The following PMFBP1 variants were observed in gnomAD, a reference collection of about 807,000 sequenced individuals.
The protein encoded by PMFBP1 is polyamine modulated factor 1 binding protein 1.
In PMFBP1, 131 loss-of-function variants were observed where a neutral mutation model predicts 137.8. The ratio of observed to expected loss-of-function variants is 0.95; its 90% CI spans 0.82 to 1.10. The LOEUF is 1.10. Ranked by LOEUF, PMFBP1 falls within the 50% of genes least tolerant of loss-of-function variation. The probability of loss-of-function intolerance (pLI) is 0.00; values close to 1 mark genes in which losing one functional copy is unlikely to be tolerated. For synonymous variants in PMFBP1, 490 were observed against 450.4 expected, an observed-to-expected ratio of 1.09 and a Z score of -1.11; for missense variants, 1,199 against 1,175.4, an observed-to-expected ratio of 1.02 and a Z score of -0.29.
At chr16:72,172,028 T>G (rs1236196466) in intron 1 of PMFBP1, 26 bp downstream of exon 1, 1 of 152,180 alleles carries the variant, frequency 6.6e-6, no homozygotes, top group African/African-American at 2.4e-5. Context: ...ACCCTAAGAA[T>G]AGAGGAATTT....
chr16:72,246,763 G>A, the PMFBP1 span, among the ~76,000 whole-genome samples: 1 of 152,046 alleles, frequency 6.6e-6, no homozygotes, highest in East Asian at 1.9e-4. Flanking sequence ...TGAGGGCAGA[G>A]ACTATATTTA....
intron 2 of PMFBP1, among the ~76,000 whole-genome samples, chr16:72,166,766 C>T (rs1384575538): frequency 1.3e-5 from 2 of 152,226 alleles, no homozygotes; most frequent in Non-Finnish European, 2.9e-5. Context: ...CAGCATCAGT[C>T]AGTCAATGGC....
At chr16:72,204,057 G>A in the PMFBP1 span, among the ~76,000 whole-genome samples, 1 of 152,126 alleles carries the variant, frequency 6.6e-6, no homozygotes, top group Non-Finnish European at 1.5e-5. Context: ...CCACGTCTAC[G>A]TTTCTCCTTT....
At chr16:72,116,687 G>C (rs955072679), downstream of PMFBP1, among the ~76,000 whole-genome samples, 1 of 124,318 alleles carries the variant, frequency 8.0e-6, no homozygotes. Context: ...TAAGGGCACA[G>C]CTTTATTCTT....
At chr16:72,249,214 A>T in the PMFBP1 span, among the ~76,000 whole-genome samples, 1 of 152,292 alleles carries the variant, frequency 6.6e-6, no homozygotes, top group African/African-American at 2.4e-5. Flanking sequence ...AGTGTCTTCC[A>T]GCTGAGCTTT....
chr16:72,249,188 T>C, the PMFBP1 span, among the ~76,000 whole-genome samples: 3 of 152,196 alleles, frequency 2.0e-5, no homozygotes, highest in Non-Finnish European at 2.9e-5. Flanking sequence ...GGCTTGAAAG[T>C]AGGTGCCTCC....
At chr16:72,123,057 T>A in intron 18 of PMFBP1, 69 bp from the exon 19 acceptor site, 1 of 1,384,042 alleles carries the variant, frequency 7.2e-7, no homozygotes, top group South Asian at 1.2e-5. Context: ...TGCAGCTGGC[T>A]GAATGGGATG....
chr16:72,127,751 A>T (rs543804222), intron 14 of PMFBP1, among the ~76,000 whole-genome samples: 67 of 152,370 alleles, frequency 4.4e-4, no homozygotes, highest in African/African-American at 1.6e-3. Flanking sequence ...TGAAGTCATC[A>T]TTGATTCCTC....
chr16:72,127,306 T>G (rs1217678069), intron 14 of PMFBP1, among the ~76,000 whole-genome samples: 1 of 152,248 alleles, frequency 6.6e-6, no homozygotes, highest in Non-Finnish European at 1.5e-5. Flanking sequence ...ATATTTTACA[T>G]GCCCTGGTGG....
chr16:72,227,081 T>G, the PMFBP1 span, among the ~76,000 whole-genome samples: 1 of 152,134 alleles, frequency 6.6e-6, no homozygotes, highest in African/African-American at 2.4e-5. Flanking sequence ...TCTGCCTGAT[T>G]TCATTTGTAG....
Position 72,119,967 on chromosome 16 carries a change from C to T in PMFBP1, c.2891G>A (p.Arg964Lys). 2 of 1,614,208 alleles carry T rather than the reference C, an allele frequency of 1.2e-6. No individual in the cohort carries two copies. The highest frequency in any genetic ancestry group is 1.7e-6 in the Non-Finnish European group (2 of 1,180,042). ...RLCTKALGPS[R>K]TESTQREKVC... ...TTTCTCCCTCTGTGTGGACTCCGTT[C>T]TGCTCGGGCCTAGGGCTTTGGTGCA... The change falls in exon 20 of 21, where the codon AGA becomes AAA. Residue 964 changes from arginine (R) to lysine (K), a missense_variant. By Grantham distance (26) the Arg-to-Lys change is conservative. Transcript: ENST00000237353.
chr16:72,186,296 A>C, the PMFBP1 span, among the ~76,000 whole-genome samples: 1 of 152,340 alleles, frequency 6.6e-6, no homozygotes, highest in African/African-American at 2.4e-5. Flanking sequence ...GTATGTTCCA[A>C]ATGGCTTCTG....
At chr16:72,192,239 G>GGA in the PMFBP1 span, among the ~76,000 whole-genome samples, 2 of 152,106 alleles carry the variant, frequency 1.3e-5, no homozygotes, top group Admixed American at 6.6e-5. Flanking sequence ...ACGTTTGAGA[G>GGA]GAGAGAGAGA....
Position 72,130,570 on chromosome 16 carries a change from C to T in PMFBP1, c.1600G>A (p.Glu534Lys). ...TGTTCCTTCTCAGCCATCGAGGACT[C>T]CTTCTGCAGCATCTGAAGTTCTCTC... ...LQRELQMLQK[E>K]SSMAEKEQTS... Residue 534 changes from glutamate to lysine, a missense_variant, in exon 11 of 21, where the codon GAG becomes AAG. Transcript: ENST00000237353. 2 of 1,614,096 alleles carry T rather than the reference C, an allele frequency of 1.2e-6. No individual in the cohort carries two copies. Among genetic ancestry groups the T allele is most frequent in the African/African-American group, 1.3e-5 (1 of 75,034 alleles).
intron 3 of PMFBP1, among the ~76,000 whole-genome samples, chr16:72,158,243 G>C (rs2043011283): frequency 6.6e-6 from 1 of 152,174 alleles, no homozygotes; most frequent in Non-Finnish European, 1.5e-5. Context: ...AGAAATCCTA[G>C]GCAAAGACAC....
intron 5 of PMFBP1, among the ~76,000 whole-genome samples, chr16:72,147,401 G>T (rs2042825423): frequency 6.6e-6 from 1 of 152,136 alleles, no homozygotes; most frequent in Non-Finnish European, 1.5e-5. Flanking sequence ...TTAAATGTAA[G>T]ACCTAAAACC....
chr16:72,204,282 G>C, the PMFBP1 span, among the ~76,000 whole-genome samples: 2 of 151,836 alleles, frequency 1.3e-5, no homozygotes. Context: ...CAACATCGTG[G>C]GCTCAAGTGA....
rs767106320 is a variant in PMFBP1, at chr16:72,128,728, A to T, written c.2017T>A (p.Ser673Thr). The T allele has an allele frequency of 6.2e-7, 1 of 1,614,116 alleles. No individual in the cohort carries two copies. The highest frequency in any genetic ancestry group is 8.5e-7 in the Non-Finnish European group (1 of 1,180,006). Residue 673 changes from serine (S) to threonine (T), a missense_variant, in exon 14 of 21, where the codon TCT becomes ACT. Ser to Thr is a moderately conservative substitution (Grantham distance 58). Coordinates refer to ENST00000237353, the MANE Select transcript of PMFBP1 (RefSeq NM_031293.3). ...TTGAGAGAGGATTCCAGTTGTGTAG[A>T]ACAACACTGTAGCTCTGCTCGGAGA... ...ENLRAELQCCSTQLESSLNKY... is the reference protein window; with the variant it reads ...ENLRAELQCCTTQLESSLNKY...
the PMFBP1 span, among the ~76,000 whole-genome samples, chr16:72,197,660 T>G: frequency 6.6e-6 from 1 of 152,142 alleles, no homozygotes; most frequent in Non-Finnish European, 1.5e-5. Context: ...CCCAGAATAT[T>G]GACCCACCCA....
Sources: gnomAD v4.1 joint callset for allele counts (sites outside exome capture counted in the v4.1 genomes callset) on GRCh38, gnomAD v4.1.1 for gene constraint, MANE v1.5 for transcripts, NCBI Gene and HGNC (gene_info 2026-07-23, HGNC 2026-07-21) for gene names.